The following ABLIM1 variants were observed in gnomAD, a reference collection of about 807,000 sequenced individuals.
ABLIM1 encodes the protein actin-binding LIM protein 1.
In ABLIM1, 40 loss-of-function variants were observed where a neutral mutation model predicts 107.0. That is an observed-to-expected ratio of 0.37 (90% CI 0.29 to 0.49). The LOEUF is 0.49. Among genes scored for constraint, ABLIM1 ranks in the 20% least tolerant of loss-of-function variants. The pLI, the probability that ABLIM1 is intolerant of heterozygous loss-of-function variation, is 0.97. For synonymous variants in ABLIM1, 357 were observed against 357.3 expected (o/e 1.00, Z 0.01); for missense variants, 857 against 1,008.5 (o/e 0.85, Z 2.04).
chr10:114,797,345 T>C, the ABLIM1 span, among the ~76,000 whole-genome samples: 1 of 152,196 alleles, frequency 6.6e-6, no homozygotes, highest in Non-Finnish European at 1.5e-5. Context: ...CAAATGACTA[T>C]CTTTCTATTA....
intron 1 of ABLIM1, among the ~76,000 whole-genome samples, chr10:114,740,020 A>C (rs998067950): frequency 6.6e-6 from 1 of 152,168 alleles, no homozygotes; most frequent in Non-Finnish European, 1.5e-5. Flanking sequence ...AATAACAGCA[A>C]ACCTGTTGGC....
At chr10:114,579,890 A>G (rs182549199) in intron 2 of ABLIM1, among the ~76,000 whole-genome samples, 10 of 152,342 alleles carry the variant, frequency 6.6e-5, no homozygotes, top group Admixed American at 2.0e-4. Flanking sequence ...TAAACAAGGT[A>G]AAGGGAAGAA....
intron 1 of ABLIM1, among the ~76,000 whole-genome samples, chr10:114,630,568 AC>A (rs1295882692): frequency 2.6e-5 from 4 of 152,220 alleles, no homozygotes; most frequent in Admixed American, 2.6e-4. Flanking sequence ...CAGCCTTTAC[AC>A]TGTTAAGCTC....
At chr10:114,725,719 A>G (rs1008085371) in intron 1 of ABLIM1, among the ~76,000 whole-genome samples, 6 of 146,874 alleles carry the variant, frequency 4.1e-5, no homozygotes, top group African/African-American at 1.5e-4. Flanking sequence ...ATATATTTAC[A>G]TATGATATAT....
chr10:114,524,887 A>T (rs1011104089), intron 6 of ABLIM1, among the ~76,000 whole-genome samples: 1 of 152,218 alleles, frequency 6.6e-6, no homozygotes, highest in Non-Finnish European at 1.5e-5. Context: ...AAACAAAATA[A>T]AAACCAAATG....
chr10:114,491,049 A>T (rs1239071840), intron 7 of ABLIM1, among the ~76,000 whole-genome samples: 1 of 128,396 alleles, frequency 7.8e-6, no homozygotes, highest in African/African-American at 3.1e-5. Context: ...TATATATATA[A>T]AATAGAGTTG....
chr10:114,620,834 T>C (rs981147237), intron 1 of ABLIM1, among the ~76,000 whole-genome samples: 2 of 152,238 alleles, frequency 1.3e-5, no homozygotes, highest in African/African-American at 4.8e-5. Context: ...CAACTTGACC[T>C]GCATCCCTCC....
At chr10:114,583,778 T>C (rs1033455024) in intron 2 of ABLIM1, among the ~76,000 whole-genome samples, 2 of 151,960 alleles carry the variant, frequency 1.3e-5, no homozygotes, top group Non-Finnish European at 2.9e-5. Context: ...CGGTGAATAC[T>C]ATGCAGCCAT....
chr10:114,745,698 TGTG>T (rs1279080838), intron 1 of ABLIM1, among the ~76,000 whole-genome samples: 1 of 152,170 alleles, frequency 6.6e-6, no homozygotes, highest in Non-Finnish European at 1.5e-5. Flanking sequence ...GGTGAAACCC[TGTG>T]GTGGTGGCTT....
intron 1 of ABLIM1, among the ~76,000 whole-genome samples, chr10:114,649,753 C>G (rs1018746732): frequency 1.3e-5 from 2 of 152,282 alleles, no homozygotes; most frequent in Admixed American, 6.5e-5. Flanking sequence ...CTTATATTAC[C>G]TTCCTACTGG....
At chr10:114,774,443 A>G in the ABLIM1 span, among the ~76,000 whole-genome samples, 1 of 152,168 alleles carries the variant, frequency 6.6e-6, no homozygotes, top group African/African-American at 2.4e-5. Context: ...GGTGGATGGA[A>G]GTTGTGGGAT....
intron 1 of ABLIM1, among the ~76,000 whole-genome samples, chr10:114,651,266 C>T (rs1488286718): frequency 1.3e-5 from 2 of 152,200 alleles, no homozygotes; most frequent in Non-Finnish European, 2.9e-5. Flanking sequence ...AATAAGAGCA[C>T]AGCTCTCTCC....
the ABLIM1 span, among the ~76,000 whole-genome samples, chr10:114,780,414 T>TAGAC: frequency 6.6e-6 from 1 of 152,182 alleles, no homozygotes; most frequent in African/African-American, 2.4e-5. Flanking sequence ...TTTGGCTTTA[T>TAGAC]AGACAAAAAG....
intron 4 of ABLIM1, among the ~76,000 whole-genome samples, chr10:114,562,385 C>T (rs1006824058): frequency 2.6e-5 from 4 of 152,022 alleles, no homozygotes; most frequent in Non-Finnish European, 4.4e-5. Context: ...AAAAATTAGC[C>T]GGGCGTGGTG....
chr10:114,461,865 C>G (rs2064010092), intron 12 of ABLIM1, among the ~76,000 whole-genome samples: 1 of 152,030 alleles, frequency 6.6e-6, no homozygotes, highest in African/African-American at 2.4e-5. Context: ...AATAATCTGT[C>G]AAGAGTTTTA....
chr10:114,593,827 C>T (rs2075151775), intron 2 of ABLIM1, among the ~76,000 whole-genome samples: 1 of 152,130 alleles, frequency 6.6e-6, no homozygotes, highest in African/African-American at 2.4e-5. Context: ...CAAGACCTTA[C>T]CCTGTTCCAG....
At position 114,690,541 on chromosome 10, in the gene ABLIM1, C is replaced by A; in HGVS notation, c.-213+77520G>T. ...CCCATGCCCAGAACACGAAGGTTTT[C>A]TGCTGTCTTTGGAAACTTGTCTGCA... is the stretch of plus-strand genomic sequence containing the variant. On this transcript the variant is annotated intron_variant, in intron 1 of 15. Transcript: ENST00000651092. The A allele has an allele frequency of 2.3e-6, 3 of 1,323,414 alleles. No homozygotes were observed. The South Asian group carries it at 3.5e-5, about 16-fold the overall frequency. 82.0% of individuals were successfully genotyped at this position (1,323,414 alleles called of 1,614,324 possible). A position where few individuals can be genotyped will look rare whatever the true frequency, so the allele number is the denominator to read the frequency against.
chr10:114,750,280 G>A (rs1251900700), intron 1 of ABLIM1, among the ~76,000 whole-genome samples: 3 of 152,130 alleles, frequency 2.0e-5, no homozygotes, highest in African/African-American at 7.2e-5. Flanking sequence ...TCTCCACTAT[G>A]GTCTTTGACA....
chr10:114,707,913 A>AC lies in ABLIM1; in HGVS notation c.-213+60147dup, dbSNP rs946293879. ...CAAAACTCCGTCTCAAAACAAACAA[A>AC]CAAACAAACAACAACAACAACAAAA... On this transcript the variant is annotated intron_variant, in intron 1 of 15. Coordinates refer to the ABLIM1 transcript ENST00000651092. This position sits in a 1 kb window ranked among gnomAD's most constrained non-coding sequence, Gnocchi z 4.1. Among the ~76,000 whole-genome samples the AC allele has an allele frequency of 3.3e-5, 5 of 150,476 alleles. No individual in the cohort carries two copies. The highest frequency in any genetic ancestry group is 1.3e-4 in the African/African-American group (5 of 39,976).
Sources: gnomAD v4.1 joint callset for allele counts (sites outside exome capture counted in the v4.1 genomes callset) on GRCh38, gnomAD v4.1.1 for gene constraint, Gnocchi (gnomAD v3.1) non-coding constraint, MANE v1.5 for transcripts, NCBI Gene and HGNC (gene_info 2026-07-23, HGNC 2026-07-21) for gene names.